SGCD: variants seen among roughly 807,000 people sequenced by gnomAD.
The protein encoded by SGCD is sarcoglycan delta, also known as delta-sarcoglycan.
A neutral mutation model predicts 36.6 loss-of-function variants in SGCD; 18 were observed. That is an observed-to-expected ratio of 0.49 (90% confidence interval 0.34 to 0.73). The LOEUF (loss-of-function observed/expected upper bound fraction) is 0.73, where lower values mean the gene tolerates loss of function less well. Ranked by LOEUF, SGCD falls within the 30% of genes least tolerant of loss-of-function variation. The pLI, the probability that SGCD is intolerant of heterozygous loss-of-function variation, is 0.01. For synonymous variants in SGCD, 133 were observed against 130.6 expected, an observed-to-expected ratio of 1.02 and a Z score of -0.12; for missense variants, 387 against 346.7, an observed-to-expected ratio of 1.12 and a Z score of -0.92.
intron 1 of SGCD, among the ~76,000 whole-genome samples, chr5:156,103,309 A>G (rs1761565621): frequency 6.6e-6 from 1 of 151,800 alleles, no homozygotes; most frequent in Non-Finnish European, 1.5e-5. Flanking sequence ...GATGCTGACT[A>G]ATGCTATTCT....
chr5:156,363,037 CT>C (rs1021850441), intron 3 of SGCD, among the ~76,000 whole-genome samples: 47 of 146,194 alleles, frequency 3.2e-4, no homozygotes, highest in African/African-American at 8.0e-4. Flanking sequence ...ATGATTTTAC[CT>C]TTTTTTTTTA....
chr5:156,095,154 A>G (rs1022173220), intron 1 of SGCD, among the ~76,000 whole-genome samples: 10 of 152,078 alleles, frequency 6.6e-5, no homozygotes, highest in Admixed American at 1.3e-4. Flanking sequence ...TAGTTGTTGG[A>G]TGGATCAGTC....
chr5:156,055,750 A>G (rs1330546928), intron 1 of SGCD, among the ~76,000 whole-genome samples: 1 of 146,326 alleles, frequency 6.8e-6, no homozygotes, highest in Non-Finnish European at 1.5e-5. Context: ...TAGGACTTAA[A>G]TTAGGCATGC....
chr5:156,366,689 T>C (rs1770125047), intron 3 of SGCD, among the ~76,000 whole-genome samples: 1 of 152,174 alleles, frequency 6.6e-6, no homozygotes. Flanking sequence ...AACAATACAA[T>C]GAAGAACATT....
intron 3 of SGCD, among the ~76,000 whole-genome samples, chr5:156,361,188 G>C (rs900738230): frequency 5.3e-5 from 8 of 152,202 alleles, no homozygotes; most frequent in African/African-American, 1.9e-4. Flanking sequence ...CCTCCTGCAA[G>C]GGGTTGAGCA....
intron 3 of SGCD, among the ~76,000 whole-genome samples, chr5:156,473,728 C>T (rs1265431859): frequency 6.6e-6 from 1 of 152,084 alleles, no homozygotes; most frequent in African/African-American, 2.4e-5. Context: ...CAGGCTTCAC[C>T]CTGGGGATAT....
At chr5:156,190,356 C>T (rs1008465750) in intron 3 of SGCD, among the ~76,000 whole-genome samples, 2 of 152,018 alleles carry the variant, frequency 1.3e-5, no homozygotes, top group Admixed American at 6.6e-5. Context: ...GATAGATTCC[C>T]CACCACCAAA....
chr5:155,767,594 T>C, the SGCD span, among the ~76,000 whole-genome samples: 1 of 152,140 alleles, frequency 6.6e-6, no homozygotes, highest in African/African-American at 2.4e-5. Context: ...AGGAGTTGTA[T>C]TTTTTGTTTG....
At chr5:156,178,800 A>G (rs1763532927) in intron 3 of SGCD, among the ~76,000 whole-genome samples, 1 of 152,152 alleles carries the variant, frequency 6.6e-6, no homozygotes, top group African/African-American at 2.4e-5. Context: ...TCCTGATCTC[A>G]GGTGATCCAC....
the SGCD span, among the ~76,000 whole-genome samples, chr5:155,787,565 A>C: frequency 6.6e-6 from 1 of 152,146 alleles, no homozygotes; most frequent in Non-Finnish European, 1.5e-5. Flanking sequence ...AAGGTGTTTC[A>C]ACAGGATAGT....
At chr5:156,016,955 A>G (rs1758995465) in intron 1 of SGCD, among the ~76,000 whole-genome samples, 1 of 152,176 alleles carries the variant, frequency 6.6e-6, no homozygotes, top group Admixed American at 6.5e-5. Context: ...AAGGAAGCAT[A>G]CGGAGTTTGT....
intron 3 of SGCD, among the ~76,000 whole-genome samples, chr5:156,383,319 C>T (rs1306261375): frequency 6.6e-6 from 1 of 152,078 alleles, no homozygotes. Flanking sequence ...GCCTGGCCAA[C>T]ATGGTGAAAC....
chr5:156,626,164 G>A (rs1762433159), intron 6 of SGCD, among the ~76,000 whole-genome samples: 1 of 152,182 alleles, frequency 6.6e-6, no homozygotes. Flanking sequence ...GTAGGGCTGA[G>A]GTTGAGAAGC....
chr5:156,110,405 T>C (rs947679675), intron 1 of SGCD, among the ~76,000 whole-genome samples: 3 of 152,172 alleles, frequency 2.0e-5, no homozygotes, highest in Non-Finnish European at 2.9e-5. Flanking sequence ...CTTTAACTTA[T>C]TTGTATTGGG....
intron 7 of SGCD, among the ~76,000 whole-genome samples, chr5:156,672,885 A>G (rs1053066082): frequency 1.3e-5 from 2 of 151,758 alleles, no homozygotes; most frequent in African/African-American, 4.8e-5. Flanking sequence ...TTCTTGAAGC[A>G]CTCGTCTCTA....
chr5:155,763,797 A>AC, the SGCD span, among the ~76,000 whole-genome samples: 1 of 145,318 alleles, frequency 6.9e-6, no homozygotes, highest in Admixed American at 6.8e-5. Flanking sequence ...AAAAGCAATG[A>AC]CCCCCCACCA....
chr5:156,084,606 T>C (rs1328086997), intron 1 of SGCD, among the ~76,000 whole-genome samples: 5 of 152,156 alleles, frequency 3.3e-5, no homozygotes, highest in Admixed American at 2.6e-4. Context: ...GTGGATTCTT[T>C]GGGATTTTCT....
chr5:156,422,736 T>C (rs1773374213), intron 3 of SGCD, among the ~76,000 whole-genome samples: 4 of 152,172 alleles, frequency 2.6e-5, no homozygotes, highest in Admixed American at 2.6e-4. Context: ...TATCAACATC[T>C]GTAACCTCTG....
chr5:156,176,039 T>C (rs1424823307), intron 3 of SGCD, among the ~76,000 whole-genome samples: 1 of 152,138 alleles, frequency 6.6e-6, no homozygotes, highest in African/African-American at 2.4e-5. Context: ...TTAATGGCAT[T>C]CAGAAAGTTG....
Sources: gnomAD v4.1 joint callset for allele counts (sites outside exome capture counted in the v4.1 genomes callset) on GRCh38, gnomAD v4.1.1 for gene constraint, MANE v1.5 for transcripts, NCBI Gene and HGNC (gene_info 2026-07-23, HGNC 2026-07-21) for gene names.